The following CEP44 variants were observed in gnomAD, a reference collection of about 807,000 sequenced individuals.
The protein encoded by CEP44 is centrosomal protein 44.
CEP44 carries 45 observed loss-of-function variants against 46.7 expected under a neutral mutation model. The ratio of observed to expected loss-of-function variants is 0.96; its 90% CI spans 0.76 to 1.24. CEP44 has a LOEUF of 1.24. Among genes scored for constraint, CEP44 ranks in the 50% most tolerant of loss-of-function variants. The pLI, the probability that CEP44 is intolerant of heterozygous loss-of-function variation, is 0.00. For synonymous variants in CEP44, 142 were observed against 146.0 expected, an observed-to-expected ratio of 0.97 and a Z score of 0.20; for missense variants, 475 against 459.7, an observed-to-expected ratio of 1.03 and a Z score of -0.30.
chr4:174,315,768 G>A (rs914156388), intron 9 of CEP44, among the ~76,000 whole-genome samples: 4 of 150,950 alleles, frequency 2.6e-5, no homozygotes, highest in Non-Finnish European at 4.4e-5. Flanking sequence ...GTGAACCCGG[G>A]AGGCGGAGCT....
chr4:174,290,616 T>G lies in CEP44; in HGVS notation c.-148+6673T>G, dbSNP rs535695586. ...GTTGGTATTCTGTCCGGATGACCAG[T>G]ACATTATAGACAGTGACGTATCAAA... On this transcript the variant is annotated intron_variant, in intron 1 of 11. Transcript: ENST00000503780. This position sits in a 1 kb window ranked among gnomAD's most constrained non-coding sequence, Gnocchi z 4.3. Among the ~76,000 whole-genome samples, 1 of 152,228 alleles carries G rather than the reference T, an allele frequency of 6.6e-6. No individual in the cohort carries two copies. Among genetic ancestry groups the G allele is most frequent in the South Asian group, 2.1e-4 (1 of 4,812 alleles).
intron 5 of CEP44, 46 bp downstream of exon 5, chr4:174,303,895 AT>A (rs1740054195): frequency 1.6e-6 from 2 of 1,248,538 alleles, no homozygotes; most frequent in Non-Finnish European, 2.2e-6. Flanking sequence ...CTATTAATAG[AT>A]GGCTCAGTAT....
Position 174,310,714 on chromosome 4 carries a change from C to A in CEP44, c.886-69C>A, listed in dbSNP as rs1740983659. 2.6e-6 allele frequency: 2 copies of A among 775,438 alleles called. No individual in the cohort carries two copies. The highest frequency in any genetic ancestry group is 1.8e-5 in the African/African-American group (1 of 56,454). The allele number at this position is 775,438 out of a possible 1,614,324, so 48.0% of individuals were successfully genotyped here. A position where few individuals can be genotyped will look rare whatever the true frequency, so the allele number is the denominator to read the frequency against. On this transcript the variant is annotated intron_variant, in intron 8 of 11. Transcript: ENST00000503780. This position sits in a 1 kb window ranked among gnomAD's most constrained non-coding sequence, Gnocchi z 4.2. The stretch of plus-strand genomic sequence containing the variant: ...TGCTACCTTTATATTTTATGCTCAG[C>A]ATTAAGAATATAAAATGAGAGGGTT...
At position 174,302,202 on chromosome 4, in the gene CEP44, C is replaced by T; in HGVS notation, c.237+16C>T. On this transcript the variant is annotated intron_variant, in intron 4 of 11. Coordinates refer to ENST00000503780, the MANE Select transcript of CEP44 (RefSeq NM_001040157.3). Reference sequence around the variant, plus strand: ...TGTCTATAAGGTATTTTGAGTTTATCAAACAATAACTATTAGTTATTGAAT... The same window carrying T: ...TGTCTATAAGGTATTTTGAGTTTATTAAACAATAACTATTAGTTATTGAAT... The T allele has an allele frequency of 1.3e-6, 2 of 1,516,544 alleles. No individual in the cohort carries two copies. The highest frequency in any genetic ancestry group is 9.0e-7 in the Non-Finnish European group (1 of 1,110,598). The allele number at this position is 1,516,544 out of a possible 1,614,324, so 93.9% of individuals were successfully genotyped here.
At chr4:174,304,117 T>C in intron 5 of CEP44, 130 bp from the exon 6 acceptor site, 1 of 1,122,678 alleles carries the variant, frequency 8.9e-7, no homozygotes, top group Non-Finnish European at 1.2e-6. Context: ...AAAAGTCATG[T>C]AGTCTCATTA....
chr4:174,299,734 T>G (rs562965172), intron 3 of CEP44, among the ~76,000 whole-genome samples: 1 of 152,202 alleles, frequency 6.6e-6, no homozygotes, highest in Non-Finnish European at 1.5e-5. Flanking sequence ...AAGATTGCGC[T>G]TAAGCTCTCC....
rs1487435859 is a variant in CEP44 at position 174,301,663 on chromosome 4, G to A, written c.90-376G>A. On this transcript the variant is annotated intron_variant, in intron 3 of 11. Transcript: ENST00000503780. The surrounding 1 kb of genome is among the most constrained non-coding windows in gnomAD (Gnocchi z 4.3). Reference sequence around the variant, plus strand: ...AAGTTTGTGGTAGAGAGCAAAGGAGGTAATAGAACAAGTGTTTGCAAAACC... The same window carrying A: ...AAGTTTGTGGTAGAGAGCAAAGGAGATAATAGAACAAGTGTTTGCAAAACC... 6.6e-6 allele frequency among the ~76,000 whole-genome samples: 1 copy of A among 152,146 alleles called. No homozygotes were observed. Among genetic ancestry groups the A allele is most frequent in the African/African-American group, 2.4e-5 (1 of 41,428 alleles).
intron 4 of CEP44, among the ~76,000 whole-genome samples, chr4:174,302,856 C>T (rs551780433): frequency 6.6e-4 from 100 of 151,472 alleles, no homozygotes; most frequent in African/African-American, 2.4e-3. Flanking sequence ...TCTAGGCTCA[C>T]TGCAGTCTCC....
intron 1 of CEP44, among the ~76,000 whole-genome samples, chr4:174,284,526 A>G (rs1737341279): frequency 6.6e-6 from 1 of 152,160 alleles, no homozygotes. Flanking sequence ...ACCTTTATTG[A>G]AGGCTACAGA....
Position 174,302,173 on chromosome 4 carries a change from A to G in CEP44, c.224A>G (p.Asp75Gly). 1.9e-6 allele frequency: 3 copies of G among 1,598,938 alleles called. No individual in the cohort carries two copies. Among genetic ancestry groups the G allele is most frequent in the South Asian group, 1.1e-5 (1 of 88,558 alleles). ...GCAAAAAATGACTTGCGCTTTATAG[A>G]TGCTGTCTATAAGGTATTTTGAGTT... ...LIAKNDLRFI[D>G]AVYKLLRDQF... The change falls in exon 4 of 12, where the codon GAT becomes GGT. Residue 75 changes from aspartate to glycine, a missense_variant. Asp to Gly is a moderately conservative substitution (Grantham distance 94, BLOSUM62 -1). Transcript: ENST00000503780.
chr4:174,319,149 T>G lies in CEP44; in HGVS notation c.*1766T>G. The G allele has an allele frequency of 1.0e-6, 1 of 984,922 alleles. No homozygotes were observed. The highest frequency in any genetic ancestry group is 1.7e-5 in the African/African-American group (1 of 57,354). 61.0% of individuals were successfully genotyped at this position (984,922 alleles called of 1,614,324 possible). On this transcript the variant is annotated 3_prime_UTR_variant, in exon 12 of 12. Coordinates refer to ENST00000503780, the MANE Select transcript of CEP44 (RefSeq NM_001040157.3). The stretch of plus-strand genomic sequence containing the variant: ...AATAAACAGTTGGTCATCAGAACTT[T>G]AAAATGGTAGCCTACAGAAACATAC...
intron 4 of CEP44, among the ~76,000 whole-genome samples, chr4:174,303,424 T>C (rs1739989858): frequency 6.6e-6 from 1 of 152,190 alleles, no homozygotes; most frequent in Admixed American, 6.5e-5. Flanking sequence ...TCTGAAGATA[T>C]TTACACTTTT....
Position 174,331,710 on chromosome 4 carries a change from G to C in CEP44, c.*115G>C, listed in dbSNP as rs1460869632. 7.2e-6 allele frequency: 10 copies of C among 1,381,922 alleles called. No individual in the cohort carries two copies. The highest frequency in any genetic ancestry group is 2.9e-5 in the African/African-American group (2 of 69,156). The allele number at this position is 1,381,922 out of a possible 1,614,324, so 85.6% of individuals were successfully genotyped here. On this transcript the variant is annotated 3_prime_UTR_variant, in exon 9 of 9. Coordinates refer to the CEP44 transcript ENST00000426172. The surrounding 1 kb of genome is among the most constrained non-coding windows in gnomAD (Gnocchi z 4.5). ...GAAACCAGCTTCCTCCTCAGCTCCA[G>C]CTCTTTTAATGGGCATATCAAAACT...
rs17060455 is a variant in CEP44, at chr4:174,309,745, G to A, written c.679-105G>A. The stretch of plus-strand genomic sequence containing the variant: ...AGCTCTCTTAACTCTCAAGCAGGAC[G>A]GTCTCTCCTAACTGTTGAGATAACG... On this transcript the variant is annotated intron_variant, in intron 7 of 11. Transcript: ENST00000503780. The surrounding 1 kb of genome is among the most constrained non-coding windows in gnomAD (Gnocchi z 5.3). 59,393 of 748,260 alleles carry A rather than the reference G, an allele frequency of 0.079. 3,130 individuals are homozygous for A. The highest frequency in any genetic ancestry group is 0.22 in the South Asian group (10,951 of 50,924). 46.4% of individuals were successfully genotyped at this position (748,260 alleles called of 1,614,324 possible).
In CEP44 at chr4:174,327,696, A is replaced by G. The variant is rs1731054725; in HGVS notation, c.1087-3786A>G. On this transcript the variant is annotated intron_variant, in intron 8 of 8. Transcript: ENST00000426172. ...TATTACTGACTGTAGTGGGGAATGG[A>G]TAGATTATTCAGTAAAAAGTTCTAG... Among the ~76,000 whole-genome samples, 4 of 152,254 alleles carry G rather than the reference A, an allele frequency of 2.6e-5. 1 individual carries two copies. The South Asian group carries it at 8.3e-4, about 32-fold the overall frequency.
At chr4:174,296,434 T>A (rs566738304) in intron 1 of CEP44, among the ~76,000 whole-genome samples, 4 of 152,234 alleles carry the variant, frequency 2.6e-5, no homozygotes, top group Non-Finnish European at 5.9e-5. Flanking sequence ...AATTTTCTTA[T>A]AATTTCTATT....
chr4:174,299,273 A>T, intron 3 of CEP44, 63 bp downstream of exon 3: 1 of 1,312,916 alleles, frequency 7.6e-7, no homozygotes, highest in Non-Finnish European at 1.1e-6. Context: ...GATATTTAAC[A>T]TGGGGGACTA....
At chr4:174,307,841 A>G (rs141088155) in intron 6 of CEP44, among the ~76,000 whole-genome samples, 121 of 152,356 alleles carry the variant, frequency 7.9e-4, no homozygotes, top group Non-Finnish European at 1.5e-3. Context: ...CATGCAGCCA[A>G]TAATCACATG....
intron 3 of CEP44, among the ~76,000 whole-genome samples, chr4:174,300,873 A>T (rs892846242): frequency 2.6e-5 from 4 of 152,160 alleles, no homozygotes; most frequent in Non-Finnish European, 4.4e-5. Context: ...TGTTTAACAT[A>T]AAAAGTGTTA....
Sources: allele counts gnomAD v4.1 joint callset (sites outside exome capture counted in the v4.1 genomes callset), GRCh38; gene constraint gnomAD v4.1.1; non-coding constraint Gnocchi (gnomAD v3.1); transcripts MANE v1.5; gene names NCBI Gene and HGNC (gene_info 2026-07-23, HGNC 2026-07-21).